HTR1F: variants seen among roughly 807,000 people sequenced by gnomAD.
HTR1F encodes the protein 5-hydroxytryptamine receptor 1F.
Under a neutral mutation model 24.0 loss-of-function variants are expected in HTR1F, and 17 were observed. The observed-to-expected ratio is 0.71, with a 90% CI of 0.48 to 1.06. The LOEUF is 1.06. Among genes scored for constraint, HTR1F ranks in the 50% least tolerant of loss-of-function variants. The pLI is 0.00. For missense variants in HTR1F, 391 were observed against 427.8 expected (o/e 0.91, Z 0.76); for synonymous variants, 186 against 156.8 (o/e 1.19, Z -1.39).
At chr3:87,806,352 G>C (rs1704073290) in intron 1 of HTR1F, among the ~76,000 whole-genome samples, 1 of 151,922 alleles carries the variant, frequency 6.6e-6, no homozygotes, top group South Asian at 2.1e-4. Flanking sequence ...TTACATTCCT[G>C]TCAATGTGTA....
intron 2 of HTR1F, among the ~76,000 whole-genome samples, chr3:87,920,430 A>G (rs1703989434): frequency 6.6e-6 from 1 of 152,018 alleles, no homozygotes; most frequent in Non-Finnish European, 1.5e-5. Context: ...CTCTGAAGAT[A>G]AGCTACTGCA....
chr3:87,841,923 GA>G (rs370439117), intron 2 of HTR1F, among the ~76,000 whole-genome samples: 48,953 of 114,852 alleles, frequency 0.43, 10,952 homozygotes, highest in African/African-American at 0.68. Context: ...AAAAGAAAAA[GA>G]AAAAAAAAAA....
chr3:87,957,004 T>C (rs1253928789), intron 2 of HTR1F, among the ~76,000 whole-genome samples: 2 of 151,226 alleles, frequency 1.3e-5, no homozygotes, highest in African/African-American at 4.8e-5. Flanking sequence ...TGAATAGAAA[T>C]GGTAAAAGTA....
At chr3:87,810,836 T>C (rs1174669521) in intron 1 of HTR1F, among the ~76,000 whole-genome samples, 1 of 152,210 alleles carries the variant, frequency 6.6e-6, no homozygotes, top group Non-Finnish European at 1.5e-5. Context: ...TTATATTTCA[T>C]GTGAAGAAGA....
At chr3:87,909,432 A>C (rs1315613775) in intron 2 of HTR1F, among the ~76,000 whole-genome samples, 3 of 152,006 alleles carry the variant, frequency 2.0e-5, no homozygotes, top group African/African-American at 7.2e-5. Context: ...TTACGTGCTC[A>C]CGATATGCTT....
At chr3:87,925,259 T>A (rs1167053104) in intron 2 of HTR1F, among the ~76,000 whole-genome samples, 2 of 152,118 alleles carry the variant, frequency 1.3e-5, no homozygotes, top group Admixed American at 6.6e-5. Context: ...TGGTGGCAGA[T>A]GCTGGGCAGA....
intron 2 of HTR1F, among the ~76,000 whole-genome samples, chr3:87,913,640 T>C (rs1329660594): frequency 1.3e-5 from 2 of 152,088 alleles, no homozygotes; most frequent in Non-Finnish European, 1.5e-5. Context: ...CATACGTTGA[T>C]TGCACCACTA....
At chr3:87,925,958 T>C (rs768594964) in intron 2 of HTR1F, among the ~76,000 whole-genome samples, 1 of 152,220 alleles carries the variant, frequency 6.6e-6, no homozygotes, top group Non-Finnish European at 1.5e-5. Flanking sequence ...GTATTTGTTG[T>C]TTTTGTCATT....
chr3:87,842,386 A>G (rs1394202071), intron 2 of HTR1F, among the ~76,000 whole-genome samples: 1 of 150,394 alleles, frequency 6.6e-6, no homozygotes, highest in Non-Finnish European at 1.5e-5. Flanking sequence ...CTGATCTTGA[A>G]CTCCTGACCT....
chr3:87,975,143 A>G (rs1370270881), intron 2 of HTR1F, among the ~76,000 whole-genome samples: 2 of 152,314 alleles, frequency 1.3e-5, no homozygotes, highest in African/African-American at 4.8e-5. Context: ...AGGAGTAACC[A>G]AAGTCAACGA....
intron 2 of HTR1F, among the ~76,000 whole-genome samples, chr3:87,914,737 C>A (rs1254640340): frequency 6.6e-6 from 1 of 152,014 alleles, no homozygotes; most frequent in Non-Finnish European, 1.5e-5. Context: ...CCTGCCCCCA[C>A]CTGATGCGCC....
At chr3:87,957,318 ATATGT>A (rs1210134519) in intron 2 of HTR1F, among the ~76,000 whole-genome samples, 1 of 151,346 alleles carries the variant, frequency 6.6e-6, no homozygotes, top group African/African-American at 2.4e-5. Context: ...CTTGGTCAGG[ATATGT>A]TATCTTTTAT....
At chr3:87,855,660 AATT>A (rs1401851266) in intron 2 of HTR1F, among the ~76,000 whole-genome samples, 1 of 152,064 alleles carries the variant, frequency 6.6e-6, no homozygotes, top group African/African-American at 2.4e-5. Flanking sequence ...GCCTGGTGTG[AATT>A]ACCCATAACC....
intron 2 of HTR1F, among the ~76,000 whole-genome samples, chr3:87,861,238 T>C (rs1503434): frequency 0.16 from 24,467 of 152,110 alleles, 2,280 homozygotes; most frequent in African/African-American, 0.25. Context: ...TGTTCATCGG[T>C]AAAAAGTTGA....
At chr3:87,924,959 A>G (rs1191565579) in intron 2 of HTR1F, among the ~76,000 whole-genome samples, 5 of 152,116 alleles carry the variant, frequency 3.3e-5, no homozygotes, top group Non-Finnish European at 7.4e-5. Context: ...AAATAGGTTT[A>G]CTATACTTTC....
At chr3:87,944,550 C>A (rs1386466372) in intron 2 of HTR1F, among the ~76,000 whole-genome samples, 1 of 152,130 alleles carries the variant, frequency 6.6e-6, no homozygotes, top group African/African-American at 2.4e-5. Flanking sequence ...TCTGGTCGGA[C>A]CTTTGTATAG....
intron 2 of HTR1F, among the ~76,000 whole-genome samples, chr3:87,878,564 C>A (rs531184171): frequency 9.6e-4 from 146 of 152,146 alleles, no homozygotes; most frequent in Non-Finnish European, 1.6e-3. Context: ...AAAAAATGCC[C>A]ATCGTATCTC....
chr3:87,867,834 T>A (rs1374878655), intron 2 of HTR1F, among the ~76,000 whole-genome samples: 6 of 152,164 alleles, frequency 3.9e-5, no homozygotes, highest in African/African-American at 1.4e-4. Context: ...CTATAATAAT[T>A]CCATCAGAAA....
chr3:87,890,710 G>A (rs550622890), intron 2 of HTR1F, among the ~76,000 whole-genome samples: 2 of 152,060 alleles, frequency 1.3e-5, no homozygotes, highest in African/African-American at 4.8e-5. Context: ...ATTATGGGAT[G>A]AGAAAGGCAA....
Sources: gnomAD v4.1 joint callset for allele counts (sites outside exome capture counted in the v4.1 genomes callset) on GRCh38, gnomAD v4.1.1 for gene constraint, MANE v1.5 for transcripts, NCBI Gene and HGNC (gene_info 2026-07-23, HGNC 2026-07-21) for gene names.